NPHP4: variants seen among roughly 807,000 people sequenced by gnomAD.
NPHP4 encodes nephrocystin 4.
A neutral mutation model predicts 155.8 loss-of-function variants in NPHP4; 151 were observed. That is an observed-to-expected ratio of 0.97 (90% CI 0.85 to 1.11). The LOEUF (loss-of-function observed/expected upper bound fraction) is 1.11. Ranked by LOEUF, NPHP4 falls within the 50% of genes least tolerant of loss-of-function variation. NPHP4 has a pLI of 0.00. For synonymous variants in NPHP4, 845 were observed against 816.8 expected, an observed-to-expected ratio of 1.03 and a Z score of -0.59; for missense variants, 1,956 against 1,925.7, an observed-to-expected ratio of 1.02 and a Z score of -0.29.
chr1:5,974,314 T>C (rs1570714519), intron 3 of NPHP4, among the ~76,000 whole-genome samples: 1 of 151,574 alleles, frequency 6.6e-6, no homozygotes, highest in Admixed American at 6.6e-5. Context: ...TTGATGGGGG[T>C]TTAAGCTGTT....
chr1:5,879,887 G>A (rs997790213), intron 19 of NPHP4, among the ~76,000 whole-genome samples: 2 of 146,320 alleles, frequency 1.4e-5, no homozygotes, highest in Non-Finnish European at 3.0e-5. Context: ...ACACAGACAC[G>A]CACACGTGCA....
intron 19 of NPHP4, chr1:5,879,655 A>G (rs1168807857): frequency 9.7e-6 from 5 of 515,606 alleles, no homozygotes; most frequent in African/African-American, 1.9e-5. Flanking sequence ...GGTGTGATCA[A>G]TGTGGTGGCT....
chr1:5,929,331 T>C (rs1646162908), intron 10 of NPHP4, among the ~76,000 whole-genome samples: 1 of 152,216 alleles, frequency 6.6e-6, no homozygotes, highest in Non-Finnish European at 1.5e-5. Context: ...AGTGCAATAC[T>C]GAACATGACG....
At chr1:5,947,668 G>A (rs370215884) in intron 8 of NPHP4, among the ~76,000 whole-genome samples, 75 of 152,156 alleles carry the variant, frequency 4.9e-4, no homozygotes, top group Non-Finnish European at 9.3e-4. Context: ...AAGGCATGAC[G>A]CCCTGCAGTG....
chr1:5,870,011 A>C (rs1641836051), intron 23 of NPHP4, among the ~76,000 whole-genome samples: 1 of 152,234 alleles, frequency 6.6e-6, no homozygotes, highest in African/African-American at 2.4e-5. Flanking sequence ...TTGTGTATGT[A>C]TGTATCTGCA....
intron 18 of NPHP4, among the ~76,000 whole-genome samples, chr1:5,883,193 C>T (rs770623199): frequency 4.6e-5 from 7 of 152,190 alleles, no homozygotes; most frequent in Non-Finnish European, 8.8e-5. Flanking sequence ...GAGGAAGGGA[C>T]GGCAGCCTGA....
At position 5,874,545 on chromosome 1, in the gene NPHP4, G is replaced by A. The variant is rs1315359359; in HGVS notation, c.3157C>T (p.Leu1053=). 3.1e-6 allele frequency: 5 copies of A among 1,602,112 alleles called. No homozygotes were observed. In the African/African-American group the frequency reaches 5.4e-5, roughly 17 times the overall value. Residue 1053 remains leucine, a synonymous_variant, in exon 22 of 30, where the codon CTG becomes TTG. Transcript: ENST00000378156. ...LRGSLAPQLY[L]RPHETAHVPF... ...ACGTGGGCGGTCTCGTGGGGGCGCA[G>A]GTAGAGCTGGGGGGCCAGGCTGCCA... is the stretch of plus-strand genomic sequence containing the variant.
chr1:5,903,994 T>C (rs1285357977), intron 16 of NPHP4, among the ~76,000 whole-genome samples: 1 of 152,130 alleles, frequency 6.6e-6, no homozygotes, highest in Non-Finnish European at 1.5e-5. Context: ...TAGATCTAAC[T>C]CCCAATTTAC....
chr1:5,986,248 G>A lies in NPHP4; in HGVS notation c.42C>T (p.Val14=), dbSNP rs1655470635. The change falls in exon 2 of 30, where the codon GTC becomes GTT. Residue 14 remains valine (V), a synonymous_variant. Coordinates refer to ENST00000378156, the MANE Select transcript of NPHP4 (RefSeq NM_015102.5). ...WHRIFTQNVL[V]PPHPQRARQP... ...GGCGCGCTCTCTGTGGGTGGGGAGG[G>A]ACAAGCACGTTTTGGGTGAAGATCC... The A allele has an allele frequency of 6.2e-7, 1 of 1,613,860 alleles. No homozygotes were observed. Among genetic ancestry groups the A allele is most frequent in the Admixed American group, 1.7e-5 (1 of 60,008 alleles).
At chr1:5,975,748 G>A (rs1420632854) in intron 3 of NPHP4, among the ~76,000 whole-genome samples, 1 of 152,240 alleles carries the variant, frequency 6.6e-6, no homozygotes, top group Non-Finnish European at 1.5e-5. Flanking sequence ...CTGCCAGGAT[G>A]TGGTGAAATG....
At position 5,864,052 on chromosome 1, in the gene NPHP4, G is replaced by A. The variant is rs781377529; in HGVS notation, c.3997-19C>T. 3.1e-6 allele frequency: 5 copies of A among 1,610,980 alleles called. No individual in the cohort carries two copies. Among genetic ancestry groups the A allele is most frequent in the African/African-American group, 1.3e-5 (1 of 74,884 alleles). On this transcript the variant is annotated intron_variant, in intron 28 of 29. Transcript: ENST00000378156. The stretch of plus-strand genomic sequence containing the variant: ...CAAAGGCCTGTGGAGGGAGGGGACA[G>A]GGAGACGCTGCGGCCACTCACGGGA...
intron 7 of NPHP4, among the ~76,000 whole-genome samples, chr1:5,950,087 G>T (rs1434120275): frequency 3.3e-5 from 5 of 152,150 alleles, no homozygotes; most frequent in African/African-American, 1.2e-4. Context: ...GTTTAAGAGA[G>T]GGTCCCTAAA....
At chr1:5,989,948 G>A (rs1367077819) in intron 1 of NPHP4, among the ~76,000 whole-genome samples, 1 of 152,202 alleles carries the variant, frequency 6.6e-6, no homozygotes, top group Non-Finnish European at 1.5e-5. Context: ...CCACCCACAC[G>A]GAAGTCCTGA....
chr1:5,948,297 G>C (rs200014066), intron 7 of NPHP4, 46 bp from the exon 8 acceptor site: 5 of 1,446,084 alleles, frequency 3.5e-6, no homozygotes, highest in South Asian at 1.4e-5. Flanking sequence ...GACGGAAAGA[G>C]GGAGCTCGCC....
At chr1:5,962,667 G>A (rs59264993) in intron 5 of NPHP4, among the ~76,000 whole-genome samples, 2,263 of 152,328 alleles carry the variant, frequency 0.015, 54 homozygotes, top group African/African-American at 0.052. Flanking sequence ...ATAACGCACG[G>A]GAGAACTGGA....
At chr1:5,981,465 T>C (rs1654684867) in intron 2 of NPHP4, among the ~76,000 whole-genome samples, 1 of 152,114 alleles carries the variant, frequency 6.6e-6, no homozygotes, top group Non-Finnish European at 1.5e-5. Context: ...GCAATGATCA[T>C]GGTAAAATTA....
At chr1:5,899,666 G>C (rs1644574600) in intron 16 of NPHP4, among the ~76,000 whole-genome samples, 1 of 152,090 alleles carries the variant, frequency 6.6e-6, no homozygotes. Flanking sequence ...CAACTCCTAG[G>C]AGACGACACA....
intron 6 of NPHP4, among the ~76,000 whole-genome samples, chr1:5,955,571 T>C (rs1020228009): frequency 1.3e-5 from 2 of 152,234 alleles, no homozygotes; most frequent in African/African-American, 4.8e-5. Flanking sequence ...AAGAATGAAG[T>C]CCTGTCGCTT....
At chr1:5,895,628 G>C (rs910033960) in intron 16 of NPHP4, among the ~76,000 whole-genome samples, 4 of 152,214 alleles carry the variant, frequency 2.6e-5, no homozygotes, top group African/African-American at 9.6e-5. Context: ...GCAGCCCCAC[G>C]GATTGCCAGT....
Sources: gnomAD v4.1 joint callset for allele counts (sites outside exome capture counted in the v4.1 genomes callset) on GRCh38, gnomAD v4.1.1 for gene constraint, MANE v1.5 for transcripts, NCBI Gene and HGNC (gene_info 2026-07-23, HGNC 2026-07-21) for gene names.